PPP2R2B: variants seen among roughly 807,000 people sequenced by gnomAD.
PPP2R2B encodes the protein serine/threonine-protein phosphatase 2A 55 kDa regulatory subunit B beta isoform.
Under a neutral mutation model 46.0 loss-of-function variants are expected in PPP2R2B, and 5 were observed. The ratio of observed to expected loss-of-function variants is 0.11; its 90% confidence interval spans 0.06 to 0.23. The LOEUF (loss-of-function observed/expected upper bound fraction) is 0.23, where lower values mean the gene tolerates loss of function less well. Among genes scored for constraint, PPP2R2B ranks in the 10% least tolerant of loss-of-function variants. PPP2R2B has a pLI of 1.00. For synonymous variants in PPP2R2B, 215 were observed against 206.7 expected (o/e 1.04, Z -0.34); for missense variants, 367 against 575.0 (o/e 0.64, Z 3.70).
intron 1 of PPP2R2B, among the ~76,000 whole-genome samples, chr5:146,941,029 G>A (rs1162507556): frequency 3.3e-5 from 5 of 152,136 alleles, no homozygotes; most frequent in African/African-American, 9.7e-5. Context: ...TTACATTGCT[G>A]AAGACCTAGC....
At chr5:147,032,999 TC>T (rs1755868064) in intron 1 of PPP2R2B, among the ~76,000 whole-genome samples, 1 of 152,170 alleles carries the variant, frequency 6.6e-6, no homozygotes, top group South Asian at 2.1e-4. Context: ...GTAGAAGTGT[TC>T]CCTGTTCACT....
intron 5 of PPP2R2B, among the ~76,000 whole-genome samples, chr5:146,668,828 C>A (rs1210252078): frequency 6.6e-6 from 1 of 152,118 alleles, no homozygotes; most frequent in East Asian, 1.9e-4. Context: ...CTCTTTGCCC[C>A]CAAATGTTGT....
chr5:146,722,256 G>A (rs986771227), intron 2 of PPP2R2B, among the ~76,000 whole-genome samples: 6 of 152,120 alleles, frequency 3.9e-5, no homozygotes, highest in African/African-American at 2.4e-5. Flanking sequence ...TGACATTTAC[G>A]CCATATGCAG....
chr5:146,983,994 A>G (rs1349112543), intron 1 of PPP2R2B, among the ~76,000 whole-genome samples: 1 of 152,126 alleles, frequency 6.6e-6, no homozygotes, highest in East Asian at 1.9e-4. Flanking sequence ...TTTATGTGGT[A>G]CAAAGTAATA....
At chr5:146,999,627 C>G (rs1386110092) in intron 1 of PPP2R2B, among the ~76,000 whole-genome samples, 1 of 151,998 alleles carries the variant, frequency 6.6e-6, no homozygotes, top group African/African-American at 2.4e-5. Context: ...TTGTATGACA[C>G]CAGGAATAAA....
intron 2 of PPP2R2B, among the ~76,000 whole-genome samples, chr5:146,815,201 C>T (rs893300092): frequency 1.3e-5 from 2 of 152,196 alleles, no homozygotes; most frequent in Non-Finnish European, 2.9e-5. Context: ...CCATTCTCTT[C>T]CTTGTGAACT....
intron 2 of PPP2R2B, among the ~76,000 whole-genome samples, chr5:147,064,617 C>A (rs1028950801): frequency 4.6e-5 from 7 of 152,150 alleles, no homozygotes; most frequent in Non-Finnish European, 8.8e-5. Context: ...GTGTGTAATT[C>A]TTTATACCTT....
intron 4 of PPP2R2B, among the ~76,000 whole-genome samples, chr5:146,692,194 A>T (rs916982056): frequency 3.3e-5 from 5 of 152,200 alleles, no homozygotes; most frequent in Non-Finnish European, 5.9e-5. Context: ...CAAATGAACA[A>T]ATCTCATCTA....
At position 146,675,253 on chromosome 5, in the gene PPP2R2B, C is replaced by T. The variant is rs555618947; in HGVS notation, c.447+15875G>A. Among the ~76,000 whole-genome samples the T allele has an allele frequency of 1.5e-4, 23 of 152,312 alleles. 1 individual carries two copies. Among genetic ancestry groups the T allele is most frequent in the Middle Eastern group, 3.4e-3 (1 of 294 alleles). Reference sequence around the variant, plus strand: ...GTGATTACAGGTGTGAGCCACTGCACCCCGCCGATACTTGGTATTTTATAC... The same window carrying T: ...GTGATTACAGGTGTGAGCCACTGCATCCCGCCGATACTTGGTATTTTATAC... On this transcript the variant is annotated intron_variant, in intron 5 of 9. Coordinates refer to ENST00000394411, the MANE Select transcript of PPP2R2B (RefSeq NM_181675.4).
At chr5:146,693,706 T>C (rs1234951343) in intron 4 of PPP2R2B, among the ~76,000 whole-genome samples, 1 of 152,210 alleles carries the variant, frequency 6.6e-6, no homozygotes, top group Non-Finnish European at 1.5e-5. Context: ...AACAGTATCT[T>C]CCTCATGGGG....
intron 2 of PPP2R2B, among the ~76,000 whole-genome samples, chr5:146,779,903 T>C (rs1390780962): frequency 6.6e-6 from 1 of 152,152 alleles, no homozygotes; most frequent in East Asian, 1.9e-4. Flanking sequence ...GGGATGAAGG[T>C]GAAGTCTGCT....
At chr5:146,861,158 T>A (rs1346957515) in intron 2 of PPP2R2B, among the ~76,000 whole-genome samples, 1 of 151,036 alleles carries the variant, frequency 6.6e-6, no homozygotes, top group Non-Finnish European at 1.5e-5. Flanking sequence ...CAGGTTCATG[T>A]CATTCTCCTG....
intron 2 of PPP2R2B, among the ~76,000 whole-genome samples, chr5:146,753,672 C>T (rs1047791895): frequency 6.6e-6 from 1 of 152,032 alleles, no homozygotes; most frequent in Admixed American, 6.6e-5. Context: ...TGGGAGGACC[C>T]AGAGGATTCG....
chr5:146,643,198 GA>G (rs1775336343), intron 6 of PPP2R2B, among the ~76,000 whole-genome samples: 1 of 152,068 alleles, frequency 6.6e-6, no homozygotes, highest in African/African-American at 2.4e-5. Context: ...GAGAGAGAGA[GA>G]GAGAGAGGGA....
intron 2 of PPP2R2B, among the ~76,000 whole-genome samples, chr5:147,078,622 CT>C (rs1757869334): frequency 6.6e-6 from 1 of 151,876 alleles, no homozygotes; most frequent in Admixed American, 6.6e-5. Flanking sequence ...CCCATCTCTA[CT>C]AAAAATACAA....
chr5:146,922,564 C>G (rs1440700664), intron 1 of PPP2R2B: 1 of 152,262 alleles, frequency 6.6e-6, no homozygotes, highest in Admixed American at 6.5e-5. Context: ...GGTCTGGTGG[C>G]CACTGACTTC....
chr5:147,071,579 A>G lies in PPP2R2B; in HGVS notation c.50+9480T>C, dbSNP rs150937722. On this transcript the variant is annotated intron_variant, in intron 2 of 10. Transcript: ENST00000394413. Reference sequence around the variant, plus strand: ...CCAGATAAGCCCTTGCCTCAGGGCAATTGTACTGGCTGTTCCCTCTATCTG... The same window carrying G: ...CCAGATAAGCCCTTGCCTCAGGGCAGTTGTACTGGCTGTTCCCTCTATCTG... 2.4e-4 allele frequency among the ~76,000 whole-genome samples: 36 copies of G among 152,298 alleles called. No individual in the cohort carries two copies. The East Asian group carries it at 6.8e-3, about 29-fold the overall frequency.
rs367619550 is a variant in PPP2R2B at position 146,791,623 on chromosome 5, CA to C, written c.70+86378del. 2.2e-3 allele frequency among the ~76,000 whole-genome samples: 336 copies of C among 152,300 alleles called. 2 individuals are homozygous for C. In the South Asian group the frequency reaches 0.033, roughly 15 times the overall value. ...CACTCACTCCTCAAAGCTCTCCAAACATGTCAAACATTTTCATACCTCTGTG... is the reference window on the plus strand; with the variant it reads ...CACTCACTCCTCAAAGCTCTCCAAACTGTCAAACATTTTCATACCTCTGTG... On this transcript the variant is annotated intron_variant, in intron 2 of 9. Coordinates refer to ENST00000394411, the MANE Select transcript of PPP2R2B (RefSeq NM_181675.4).
At chr5:146,710,801 G>A (rs1780173425) in intron 2 of PPP2R2B, among the ~76,000 whole-genome samples, 1 of 152,248 alleles carries the variant, frequency 6.6e-6, no homozygotes, top group South Asian at 2.1e-4. Context: ...TCTCACATCT[G>A]TGGGGGAATG....
Sources: gnomAD v4.1 joint callset for allele counts (sites outside exome capture counted in the v4.1 genomes callset) on GRCh38, gnomAD v4.1.1 for gene constraint, MANE v1.5 for transcripts, NCBI Gene and HGNC (gene_info 2026-07-23, HGNC 2026-07-21) for gene names.